Variants in TRPS1 observed in about 807,000 individuals in gnomAD.
The protein encoded by TRPS1 is transcriptional repressor GATA binding 1.
TRPS1 carries 6 observed loss-of-function variants against 101.2 expected under a neutral mutation model. The ratio of observed to expected loss-of-function variants is 0.06; its 90% CI spans 0.03 to 0.12. The LOEUF (loss-of-function observed/expected upper bound fraction) is 0.12. TRPS1 is among the 10% of genes least tolerant of loss of function. The pLI is 1.00. For missense variants in TRPS1, 1,363 were observed against 1,567.0 expected, an observed-to-expected ratio of 0.87 and a Z score of 2.20; for synonymous variants, 578 against 589.8, an observed-to-expected ratio of 0.98 and a Z score of 0.29.
chr8:115,479,950 G>A (rs1188341484), intron 5 of TRPS1, among the ~76,000 whole-genome samples: 1 of 152,072 alleles, frequency 6.6e-6, no homozygotes, highest in Non-Finnish European at 1.5e-5. Context: ...TAGTAAAATG[G>A]TTTTTTACTT....
intron 3 of TRPS1, among the ~76,000 whole-genome samples, chr8:115,606,914 G>A (rs1001695595): frequency 6.6e-6 from 1 of 151,540 alleles, no homozygotes; most frequent in African/African-American, 2.4e-5. Flanking sequence ...AAATTCAGAT[G>A]TATCCCCTTC....
intron 5 of TRPS1, chr8:115,515,188 T>C: frequency 1.4e-6 from 1 of 692,590 alleles, no homozygotes; most frequent in Non-Finnish European, 2.6e-6. Flanking sequence ...CTCTCCATTA[T>C]CTAAATATTA....
At chr8:115,533,436 G>GTTGTTTTTTTTTT (rs1816187553) in intron 5 of TRPS1, among the ~76,000 whole-genome samples, 1 of 34,988 alleles carries the variant, frequency 2.9e-5, no homozygotes, top group Non-Finnish European at 5.3e-5. Flanking sequence ...CATGTAATCT[G>GTTGTTTTTTTTTT]TTTTTTTTTT....
intron 5 of TRPS1, among the ~76,000 whole-genome samples, chr8:115,439,135 C>T (rs539631188): frequency 2.6e-5 from 4 of 152,312 alleles, no homozygotes; most frequent in South Asian, 2.1e-4. Flanking sequence ...GAGACCTACA[C>T]TCTAGTGTGG....
At chr8:115,451,978 C>G (rs1288513847) in intron 5 of TRPS1, among the ~76,000 whole-genome samples, 1 of 152,180 alleles carries the variant, frequency 6.6e-6, no homozygotes, top group Non-Finnish European at 1.5e-5. Context: ...ACCCCCACTT[C>G]TAAAACTTAA....
chr8:115,549,843 G>A (rs1006735080), intron 5 of TRPS1, among the ~76,000 whole-genome samples: 6 of 152,126 alleles, frequency 3.9e-5, no homozygotes, highest in African/African-American at 1.4e-4. Flanking sequence ...GATGGGCAAT[G>A]CTGTCCTAGT....
chr8:115,549,746 G>C (rs1816660527), intron 5 of TRPS1, among the ~76,000 whole-genome samples: 3 of 150,544 alleles, frequency 2.0e-5, no homozygotes, highest in South Asian at 2.1e-4. Flanking sequence ...TGTTAAATTA[G>C]AGTAAATTAG....
At chr8:115,667,736 T>C (rs1182811546) in intron 1 of TRPS1, 5 of 1,209,676 alleles carry the variant, frequency 4.1e-6, no homozygotes, top group African/African-American at 1.5e-5. Flanking sequence ...GCTGGGCCTT[T>C]AAGGGAAAAA....
chr8:115,596,672 A>T (rs1264813286), intron 4 of TRPS1, among the ~76,000 whole-genome samples: 1 of 151,802 alleles, frequency 6.6e-6, no homozygotes, highest in Non-Finnish European at 1.5e-5. Flanking sequence ...ATATATACTT[A>T]TATGTATGCA....
At chr8:115,540,831 A>G (rs1816435135) in intron 5 of TRPS1, among the ~76,000 whole-genome samples, 1 of 151,864 alleles carries the variant, frequency 6.6e-6, no homozygotes, top group Non-Finnish European at 1.5e-5. Context: ...CCATAAATAT[A>G]TATCTAATAT....
chr8:115,613,563 G>A (rs945545894), intron 3 of TRPS1, among the ~76,000 whole-genome samples: 1 of 152,154 alleles, frequency 6.6e-6, no homozygotes, highest in South Asian at 2.1e-4. Context: ...ACAGGCTTCC[G>A]TGGCCTGTCT....
chr8:115,576,687 C>A (rs1671972940), intron 5 of TRPS1, among the ~76,000 whole-genome samples: 1 of 152,098 alleles, frequency 6.6e-6, no homozygotes, highest in African/African-American at 2.4e-5. Context: ...AAAATACAGG[C>A]AGGCCTGAAC....
intron 4 of TRPS1, among the ~76,000 whole-genome samples, chr8:115,591,729 AG>A (rs564458731): frequency 1.2e-4 from 18 of 152,216 alleles, no homozygotes; most frequent in Non-Finnish European, 2.2e-4. Context: ...CAGAAAGTGC[AG>A]GGGTAAGTTT....
chr8:115,553,055 C>T (rs1264343180), intron 5 of TRPS1, among the ~76,000 whole-genome samples: 3 of 152,080 alleles, frequency 2.0e-5, no homozygotes. Context: ...AGTATTACAT[C>T]TGCTACTAAA....
chr8:115,642,032 G>A (rs1157461249), intron 1 of TRPS1, among the ~76,000 whole-genome samples: 2 of 152,022 alleles, frequency 1.3e-5, no homozygotes, highest in Non-Finnish European at 2.9e-5. Flanking sequence ...GGAAAATACA[G>A]CAAGACTCCG....
Position 115,409,261 on chromosome 8 carries a change from G to GGAAAAAAAAAAA in TRPS1, c.*4761_*4762insTTTTTTTTTTTC, listed in dbSNP as rs886062602. On this transcript the variant is annotated 3_prime_UTR_variant, in exon 7 of 7. Coordinates refer to ENST00000395715, the MANE Select transcript of TRPS1 (RefSeq NM_014112.5). ...TGATATGCTGCAGTTTATATGTTGG[G>GGAAAAAAAAAAA]AAAAAAAAAAAAAAAAAAAACAGGG... The GGAAAAAAAAAAA allele has an allele frequency of 9.8e-6, 1 of 102,262 alleles. No individual in the cohort carries two copies. The highest frequency in any genetic ancestry group is 4.0e-5 in the African/African-American group (1 of 24,726). The allele number at this position is 102,262 out of a possible 1,614,324, so 6.3% of individuals were successfully genotyped here. A position where few individuals can be genotyped will look rare whatever the true frequency, so the allele number is the denominator to read the frequency against.
chr8:115,553,296 A>T (rs1465636599), intron 5 of TRPS1, among the ~76,000 whole-genome samples: 1 of 152,102 alleles, frequency 6.6e-6, no homozygotes, highest in Non-Finnish European at 1.5e-5. Context: ...CAACTTTGTA[A>T]TTGCAATGCC....
chr8:115,611,331 G>A (rs1235705771), intron 3 of TRPS1, among the ~76,000 whole-genome samples: 6 of 152,096 alleles, frequency 3.9e-5, no homozygotes, highest in African/African-American at 1.2e-4. Context: ...TGGGAAAAGA[G>A]AAAATCTAAT....
rs182472439 is a variant in TRPS1 at position 115,440,259 on chromosome 8, C to T, written c.2701-21807G>A. Among the ~76,000 whole-genome samples the T allele has an allele frequency of 2.5e-3, 382 of 152,292 alleles. 2 individuals carry two copies. Among genetic ancestry groups the T allele is most frequent in the African/African-American group, 8.8e-3 (367 of 41,566 alleles). ...AGAACCAAGGTATTGCCACATCATT[C>T]GGGAGTTAATGGCTAGGTGCATGCC... On this transcript the variant is annotated intron_variant, in intron 5 of 6. Coordinates refer to ENST00000395715, the MANE Select transcript of TRPS1 (RefSeq NM_014112.5).
Sources: gnomAD v4.1 joint callset for allele counts (sites outside exome capture counted in the v4.1 genomes callset) on GRCh38, gnomAD v4.1.1 for gene constraint, MANE v1.5 for transcripts, NCBI Gene and HGNC (gene_info 2026-07-23, HGNC 2026-07-21) for gene names.